Variants in AK8 observed in about 807,000 individuals in gnomAD.
AK8 encodes the protein ATP-AMP transphosphorylase 8.
Under a neutral mutation model 54.6 loss-of-function variants are expected in AK8, and 44 were observed. The ratio of observed to expected loss-of-function variants is 0.81; its 90% CI spans 0.63 to 1.04. The LOEUF is 1.04. Ranked by LOEUF, AK8 falls within the 50% of genes least tolerant of loss-of-function variation. The pLI is 0.00. For synonymous variants in AK8, 239 were observed against 245.6 expected, an observed-to-expected ratio of 0.97 and a Z score of 0.25; for missense variants, 555 against 613.6, an observed-to-expected ratio of 0.90 and a Z score of 1.01.
chr9:132,793,070 CT>C (rs34771701), intron 10 of AK8, among the ~76,000 whole-genome samples: 78,974 of 151,962 alleles, frequency 0.52, 23,731 homozygotes, highest in East Asian at 0.81. Flanking sequence ...GATTGTCCCC[CT>C]GTCTTAGTCC....
intron 9 of AK8, among the ~76,000 whole-genome samples, chr9:132,822,340 C>G (rs1227938032): frequency 6.7e-6 from 1 of 149,914 alleles, no homozygotes; most frequent in East Asian, 2.0e-4. Flanking sequence ...AATATACATA[C>G]AAATGTACAA....
At chr9:132,851,791 G>A (rs995854791) in intron 5 of AK8, among the ~76,000 whole-genome samples, 4 of 152,220 alleles carry the variant, frequency 2.6e-5, no homozygotes, top group Non-Finnish European at 4.4e-5. Flanking sequence ...TCAGTCATCT[G>A]CTAAGACAAA....
At chr9:132,774,460 G>A (rs1015718386) in intron 11 of AK8, among the ~76,000 whole-genome samples, 3 of 152,198 alleles carry the variant, frequency 2.0e-5, no homozygotes, top group Non-Finnish European at 4.4e-5. Flanking sequence ...TCTGCCACCT[G>A]AATCTGGCAG....
At chr9:132,854,504 C>T (rs1338292675) in intron 5 of AK8, among the ~76,000 whole-genome samples, 2 of 152,324 alleles carry the variant, frequency 1.3e-5, no homozygotes, top group Middle Eastern at 3.4e-3. Flanking sequence ...TCTGGGGTAC[C>T]CCTAATTCTG....
chr9:132,828,058 G>A lies in AK8; in HGVS notation c.511C>T (p.Leu171=). 2 of 1,574,198 alleles carry A rather than the reference G, an allele frequency of 1.3e-6. No homozygotes were observed. Among genetic ancestry groups the A allele is most frequent in the Non-Finnish European group, 1.7e-6 (2 of 1,158,554 alleles). The change falls in exon 7 of 13, where the codon CTG becomes TTG. Residue 171 remains leucine, a synonymous_variant. Coordinates refer to ENST00000298545, the MANE Select transcript of AK8 (RefSeq NM_152572.3). ...VIVLSAPDTV[L]IERNLGKRID... ...CTCTTCCCCAAGTTTCTCTCGATCA[G>A]GACCGTGTCTGGAGCACTCAGCACA... is the stretch of plus-strand genomic sequence containing the variant.
At chr9:132,866,827 G>T in intron 3 of AK8, 77 bp downstream of exon 3, 1 of 1,328,058 alleles carries the variant, frequency 7.5e-7, no homozygotes, top group Non-Finnish European at 1.1e-6. Flanking sequence ...ACAAATTCAC[G>T]GAGGTGCAGT....
chr9:132,836,743 C>G (rs1415524641), intron 5 of AK8, among the ~76,000 whole-genome samples: 1 of 152,220 alleles, frequency 6.6e-6, no homozygotes, highest in Admixed American at 6.5e-5. Context: ...TGTGGATTCA[C>G]CCCAAGGTGG....
chr9:132,870,404 T>C (rs188154641), intron 2 of AK8, among the ~76,000 whole-genome samples: 1 of 152,226 alleles, frequency 6.6e-6, no homozygotes, highest in Non-Finnish European at 1.5e-5. Flanking sequence ...AAAAAACCTT[T>C]CCATCCACAG....
At chr9:132,857,514 C>CCCCCTCCGTCTCATCCTCT (rs1843219306) in intron 4 of AK8, among the ~76,000 whole-genome samples, 1 of 152,084 alleles carries the variant, frequency 6.6e-6, no homozygotes, top group African/African-American at 2.4e-5. Flanking sequence ...CCTCTGCATC[C>CCCCCTCCGTCTCATCCTCT]CCCCTCCGTC....
intron 5 of AK8, among the ~76,000 whole-genome samples, chr9:132,852,332 G>T (rs918355800): frequency 1.3e-5 from 2 of 152,088 alleles, no homozygotes; most frequent in Non-Finnish European, 2.9e-5. Flanking sequence ...AAATTGGGCC[G>T]GGCGCGGTGG....
chr9:132,778,778 C>CA (rs1444057863), intron 11 of AK8, among the ~76,000 whole-genome samples: 1 of 150,696 alleles, frequency 6.6e-6, no homozygotes, highest in African/African-American at 2.4e-5. Context: ...ATAATTGAAA[C>CA]AAAAAAATCA....
At chr9:132,753,032 T>A (rs1417069851) in intron 11 of AK8, among the ~76,000 whole-genome samples, 1 of 152,168 alleles carries the variant, frequency 6.6e-6, no homozygotes, top group Non-Finnish European at 1.5e-5. Flanking sequence ...AATAAATACT[T>A]CTGGAGCGAA....
chr9:132,740,463 A>T (rs1837317791), intron 11 of AK8, among the ~76,000 whole-genome samples: 1 of 152,154 alleles, frequency 6.6e-6, no homozygotes. Context: ...TCCATCACGG[A>T]GCTCATCTTG....
Position 132,812,526 on chromosome 9 carries a change from A to ATGATGGGTGAGCCG in AK8, c.979+2111_979+2112insCGGCTCACCCATCA, listed in dbSNP as rs1564415056. On this transcript the variant is annotated intron_variant, in intron 10 of 12. Coordinates refer to ENST00000298545, the MANE Select transcript of AK8 (RefSeq NM_152572.3). ...AGTGCTGGGATGACAGGGGTGAGCTACCGTGCCCACTGGGATGACGGGTGA... is the reference window on the plus strand; with the variant it reads ...AGTGCTGGGATGACAGGGGTGAGCTATGATGGGTGAGCCGCCGTGCCCACTGGGATGACGGGTGA... Among the ~76,000 whole-genome samples the ATGATGGGTGAGCCG allele has an allele frequency of 4.3e-4, 3 of 6,980 alleles. No individual in the cohort carries two copies. The Admixed American group carries it at 4.7e-3, about 11-fold the overall frequency. 4.6% of individuals were successfully genotyped at this position (6,980 alleles called of 152,430 possible).
chr9:132,869,351 C>T (rs1242640907), intron 2 of AK8, among the ~76,000 whole-genome samples: 1 of 152,236 alleles, frequency 6.6e-6, no homozygotes, highest in Admixed American at 6.5e-5. Flanking sequence ...CAGTGCTGCC[C>T]GTGCCCATGA....
chr9:132,752,797 TA>T (rs1346531873), intron 11 of AK8, among the ~76,000 whole-genome samples: 1 of 150,964 alleles, frequency 6.6e-6, no homozygotes, highest in African/African-American at 2.4e-5. Context: ...AGTCTGAGCT[TA>T]AACCAGCCCT....
Position 132,799,801 on chromosome 9 carries a change from TA to T in AK8, c.980-7027del, listed in dbSNP as rs756092031. Among the ~76,000 whole-genome samples the T allele has an allele frequency of 1.3e-5, 2 of 152,126 alleles. No homozygotes were observed. Among genetic ancestry groups the T allele is most frequent in the South Asian group, 2.1e-4 (1 of 4,828 alleles). The stretch of plus-strand genomic sequence containing the variant: ...CACATTCGCTTCAAACTGCCCGGTG[TA>T]ACTTCTTTCCTTCTTCAAGCCCTCC... On this transcript the variant is annotated intron_variant, in intron 10 of 12. Coordinates refer to ENST00000298545, the MANE Select transcript of AK8 (RefSeq NM_152572.3). The surrounding 1 kb of genome is among the most constrained non-coding windows in gnomAD (Gnocchi z 5.0).
chr9:132,857,159 C>T (rs1843202900), intron 4 of AK8, among the ~76,000 whole-genome samples: 1 of 152,192 alleles, frequency 6.6e-6, no homozygotes, highest in Admixed American at 6.5e-5. Context: ...CCTTTCTTCC[C>T]TAAGCCAGTG....
intron 11 of AK8, among the ~76,000 whole-genome samples, chr9:132,771,271 C>G (rs140931346): frequency 2.4e-4 from 37 of 152,310 alleles, no homozygotes; most frequent in African/African-American, 8.4e-4. Flanking sequence ...GGGCCTGGCC[C>G]TCCTGCCCAC....
Sources: gnomAD v4.1 joint callset for allele counts (sites outside exome capture counted in the v4.1 genomes callset) on GRCh38, gnomAD v4.1.1 for gene constraint, Gnocchi (gnomAD v3.1) non-coding constraint, MANE v1.5 for transcripts, NCBI Gene and HGNC (gene_info 2026-07-23, HGNC 2026-07-21) for gene names.